The following USH2A variants were observed in gnomAD, a reference collection of about 807,000 sequenced individuals.
USH2A encodes the protein usherin.
A neutral mutation model predicts 538.9 loss-of-function variants in USH2A; 443 were observed. The observed-to-expected ratio is 0.82, with a 90% CI of 0.76 to 0.89. USH2A has a LOEUF of 0.89. USH2A is among the 40% of genes least tolerant of loss of function. The pLI is 0.00. For missense variants in USH2A, 6,633 were observed against 6,324.8 expected, an observed-to-expected ratio of 1.05 and a Z score of -1.65; for synonymous variants, 2,413 against 2,273.5, an observed-to-expected ratio of 1.06 and a Z score of -1.75.
intron 56 of USH2A, among the ~76,000 whole-genome samples, chr1:215,765,996 A>G (rs1261091040): frequency 6.6e-6 from 1 of 152,196 alleles, no homozygotes; most frequent in Non-Finnish European, 1.5e-5. Context: ...TAAATGATGA[A>G]AATAGAACAG....
At chr1:215,977,600 A>G (rs1667651830) in intron 35 of USH2A, among the ~76,000 whole-genome samples, 1 of 152,100 alleles carries the variant, frequency 6.6e-6, no homozygotes, top group Non-Finnish European at 1.5e-5. Flanking sequence ...TCCGCCTCCC[A>G]GGAGGCGAAT....
At chr1:216,152,110 A>G (rs1401205942) in intron 21 of USH2A, among the ~76,000 whole-genome samples, 4 of 152,058 alleles carry the variant, frequency 2.6e-5, no homozygotes, top group Admixed American at 6.5e-5. Flanking sequence ...CCTGAGAAAC[A>G]TCGTCCATTC....
At chr1:216,238,983 C>A (rs997901782) in intron 13 of USH2A, among the ~76,000 whole-genome samples, 1 of 151,952 alleles carries the variant, frequency 6.6e-6, no homozygotes, top group African/African-American at 2.4e-5. Flanking sequence ...ATTGTAGCAG[C>A]ACATTTTACT....
intron 61 of USH2A, among the ~76,000 whole-genome samples, chr1:215,697,356 G>T (rs1007938151): frequency 2.6e-5 from 4 of 152,108 alleles, no homozygotes; most frequent in African/African-American, 9.7e-5. Flanking sequence ...GCTGGTTAGG[G>T]AGCTGAGTGC....
intron 47 of USH2A, among the ~76,000 whole-genome samples, chr1:215,828,741 T>C (rs971055549): frequency 6.6e-6 from 1 of 152,218 alleles, no homozygotes; most frequent in Non-Finnish European, 1.5e-5. Flanking sequence ...ATCTGAGTTC[T>C]TTCTCTACTT....
chr1:216,252,799 G>C (rs1214461338), intron 11 of USH2A, among the ~76,000 whole-genome samples: 1 of 152,164 alleles, frequency 6.6e-6, no homozygotes, highest in African/African-American at 2.4e-5. Flanking sequence ...CATTACTCAA[G>C]ACAGAGATTT....
At chr1:216,343,489 G>A (rs1404530389) in intron 4 of USH2A, among the ~76,000 whole-genome samples, 1 of 147,986 alleles carries the variant, frequency 6.8e-6, no homozygotes, top group East Asian at 2.0e-4. Context: ...TCATGCCACT[G>A]CACTCCAGCC....
intron 67 of USH2A, among the ~76,000 whole-genome samples, chr1:215,643,694 T>TA (rs113535986): frequency 1.8e-4 from 27 of 150,700 alleles, no homozygotes; most frequent in African/African-American, 3.9e-4. Flanking sequence ...CCTGGCTATT[T>TA]AAAAAAAAAA....
At chr1:216,015,309 G>T (rs1038484157) in intron 32 of USH2A, among the ~76,000 whole-genome samples, 1 of 152,172 alleles carries the variant, frequency 6.6e-6, no homozygotes, top group African/African-American at 2.4e-5. Flanking sequence ...GCGCCAGAAT[G>T]CATGTGGAAT....
chr1:216,259,973 G>A (rs1333529116), intron 11 of USH2A, among the ~76,000 whole-genome samples: 1 of 152,002 alleles, frequency 6.6e-6, no homozygotes, highest in Non-Finnish European at 1.5e-5. Context: ...CAGAGAAACT[G>A]CAGTACGAGT....
At chr1:216,330,014 T>C (rs2037822873) in intron 4 of USH2A, among the ~76,000 whole-genome samples, 1 of 152,074 alleles carries the variant, frequency 6.6e-6, no homozygotes, top group African/African-American at 2.4e-5. Flanking sequence ...ACCCAGATCA[T>C]AACAAACAGG....
rs727505166 is a variant in USH2A at position 215,779,878 on chromosome 1, G to T, written c.10904C>A (p.Thr3635Asn). The change falls in exon 55 of 72, where the codon ACT becomes AAT. Residue 3635 changes from threonine (T) to asparagine (N), a missense_variant. Thr to Asn is a moderately conservative substitution (Grantham distance 65). Transcript: ENST00000307340. ...IRQVGKGLIH[T>N]DTTDRRQHTV... ...ATGCTGTCTCCTGTCAGTGGTGTCA[G>T]TGTGGATGAGACCTTTCCCAACCTG... is the stretch of plus-strand genomic sequence containing the variant. 4.1e-5 allele frequency: 66 copies of T among 1,614,014 alleles called. No individual in the cohort carries two copies. The East Asian group carries it at 1.4e-3, about 34-fold the overall frequency.
intron 21 of USH2A, among the ~76,000 whole-genome samples, chr1:216,165,926 G>C (rs1025051392): frequency 6.6e-6 from 1 of 151,232 alleles, no homozygotes; most frequent in South Asian, 2.1e-4. Context: ...AGTGTACACT[G>C]TACCCAATGT....
chr1:215,667,787 T>G (rs747508708), intron 64 of USH2A, among the ~76,000 whole-genome samples: 1 of 152,160 alleles, frequency 6.6e-6, no homozygotes, highest in Non-Finnish European at 1.5e-5. Flanking sequence ...GATACCCTCT[T>G]CTATCACTGG....
chr1:215,650,796 C>G lies in USH2A; in HGVS notation c.14139G>C (p.Trp4713Cys). 6.2e-7 allele frequency: 1 copy of G among 1,612,702 alleles called. No homozygotes were observed. Among genetic ancestry groups the G allele is most frequent in the Non-Finnish European group, 8.5e-7 (1 of 1,179,818 alleles). ...LPFTEYEYQV[W>C]AVNSAGKAPS... ...GGGCTTTTCCTGCAGAATTCACTGC[C>G]CAGACCTCCAAAGAGAAATCAACAA... Residue 4713 changes from tryptophan (W) to cysteine (C), a missense_variant, in exon 65 of 72, where the codon TGG becomes TGC. Transcript: ENST00000307340.
At chr1:216,397,518 C>T (rs543623710) in intron 3 of USH2A, among the ~76,000 whole-genome samples, 11 of 152,290 alleles carry the variant, frequency 7.2e-5, no homozygotes, top group Admixed American at 2.0e-4. Context: ...GCAGGTGTGT[C>T]TACAGTAAAG....
chr1:216,315,420 T>G (rs10864238), intron 9 of USH2A, among the ~76,000 whole-genome samples: 57,750 of 151,934 alleles, frequency 0.38, 11,904 homozygotes, highest in African/African-American at 0.55. Flanking sequence ...TTGATAGAAA[T>G]AAGATTGGTG....
intron 4 of USH2A, among the ~76,000 whole-genome samples, chr1:216,338,771 G>A (rs939605668): frequency 2.0e-5 from 3 of 151,384 alleles, no homozygotes; most frequent in African/African-American, 7.3e-5. Flanking sequence ...AAACTCAAAT[G>A]CCATATGTTT....
intron 11 of USH2A, among the ~76,000 whole-genome samples, chr1:216,257,573 T>C (rs563029367): frequency 6.6e-6 from 1 of 152,002 alleles, no homozygotes; most frequent in Non-Finnish European, 1.5e-5. Flanking sequence ...TTTGTGGCTT[T>C]ATGGTTTTCA....
Sources: allele counts gnomAD v4.1 joint callset (sites outside exome capture counted in the v4.1 genomes callset), GRCh38; gene constraint gnomAD v4.1.1; transcripts MANE v1.5; gene names NCBI Gene and HGNC (gene_info 2026-07-23, HGNC 2026-07-21).